Variants in ZNF341 observed in about 807,000 individuals in gnomAD.
ZNF341 encodes the protein zinc finger protein 341.
In ZNF341, 52 loss-of-function variants were observed where a neutral mutation model predicts 87.7. The ratio of observed to expected loss-of-function variants is 0.59; its 90% confidence interval spans 0.47 to 0.75. The LOEUF (loss-of-function observed/expected upper bound fraction) is 0.75, where lower values mean the gene tolerates loss of function less well. Ranked by LOEUF, ZNF341 falls within the 30% of genes least tolerant of loss-of-function variation. The probability of loss-of-function intolerance (pLI) is 0.00; values close to 1 mark genes in which losing one functional copy is unlikely to be tolerated. For synonymous variants in ZNF341, 459 were observed against 472.7 expected, an observed-to-expected ratio of 0.97 and a Z score of 0.38; for missense variants, 977 against 1,145.9, an observed-to-expected ratio of 0.85 and a Z score of 2.13.
chr20:33,740,379 A>G (rs966048829), intron 1 of ZNF341, among the ~76,000 whole-genome samples: 7 of 152,212 alleles, frequency 4.6e-5, no homozygotes, highest in Non-Finnish European at 8.8e-5. Context: ...CCTAACTGTA[A>G]GAGAGCCTGG....
At chr20:33,733,595 A>G (rs2018623766) in intron 1 of ZNF341, among the ~76,000 whole-genome samples, 2 of 146,330 alleles carry the variant, frequency 1.4e-5, no homozygotes, top group African/African-American at 5.1e-5. Context: ...TTGGTCTTGA[A>G]CTCCTGGCCT....
rs1568598023 is a variant in ZNF341 at position 33,791,175 on chromosome 20, G to A, written c.2223G>A (p.Leu741=). The A allele has an allele frequency of 6.2e-7, 1 of 1,613,046 alleles. No homozygotes were observed. Among genetic ancestry groups the A allele is most frequent in the Non-Finnish European group, 8.5e-7 (1 of 1,179,996 alleles). The change falls in exon 15 of 15, where the codon CTG becomes CTA. Residue 741 remains leucine (L), a synonymous_variant. Transcript: ENST00000375200. ...TCGGCCCCCAAAAGGACAAGGACCT[G>A]CAAACCCGGCGGCCCCCCCAGAGGA... is the stretch of plus-strand genomic sequence containing the variant. ...CRLGPQKDKD[L]QTRRPPQRRA...
At position 33,732,373 on chromosome 20, in the gene ZNF341, C is replaced by T. The variant is rs998973899; in HGVS notation, c.31+321C>T. 6.6e-6 allele frequency among the ~76,000 whole-genome samples: 1 copy of T among 151,602 alleles called. No homozygotes were observed. Among genetic ancestry groups the T allele is most frequent in the African/African-American group, 2.4e-5 (1 of 41,318 alleles). ...AACTGCGCGGGAGGCGACGGCGGGG[C>T]GGTCTGGAACAGCCGCGGCCAGGGA... On this transcript the variant is annotated intron_variant, in intron 1 of 14. Transcript: ENST00000375200. The surrounding 1 kb of genome is among the most constrained non-coding windows in gnomAD (Gnocchi z 4.5).
At chr20:33,761,464 A>G (rs967145708) in intron 7 of ZNF341, among the ~76,000 whole-genome samples, 8 of 152,120 alleles carry the variant, frequency 5.3e-5, no homozygotes, top group African/African-American at 1.9e-4. Context: ...GAGTTTCACC[A>G]TGTTGGCCAG....
chr20:33,789,576 C>T lies in ZNF341; in HGVS notation c.2023C>T (p.Leu675Phe). ...NRPDKLKAHI[L>F]SHSGMKLHKC... ...GCCGGACAAGCTGAAGGCCCACATC[C>T]TCTCCCACTCTGGTAAGTGGCTCTT... Residue 675 changes from leucine to phenylalanine, a missense_variant, in exon 14 of 15, where the codon CTC (leucine) becomes TTC (phenylalanine). By Grantham distance (22) the Leu-to-Phe change is conservative. Around this residue, in one of 3 missense-constraint regions of ZNF341, gnomAD observed 241 missense variants for 335.0 expected, o/e 0.72. Coordinates refer to ENST00000375200, the MANE Select transcript of ZNF341 (RefSeq NM_001282933.2). 11 of 1,614,134 alleles carry T rather than the reference C, an allele frequency of 6.8e-6. No individual in the cohort carries two copies. The highest frequency in any genetic ancestry group is 1.1e-5 in the South Asian group (1 of 91,082).
At chr20:33,753,032 A>C (rs550043028) in intron 4 of ZNF341, 140 bp from the exon 5 acceptor site, 3 of 1,226,702 alleles carry the variant, frequency 2.4e-6, no homozygotes, top group African/African-American at 1.5e-5. Flanking sequence ...TGTTTCCCCA[A>C]CCTCTCTTAG....
rs939419662 is a variant in ZNF341, at chr20:33,732,851, C to T, written c.31+799C>T. 2.0e-5 allele frequency among the ~76,000 whole-genome samples: 3 copies of T among 152,072 alleles called. No homozygotes were observed. Among genetic ancestry groups the T allele is most frequent in the African/African-American group, 4.8e-5 (2 of 41,390 alleles). On this transcript the variant is annotated intron_variant, in intron 1 of 14. Coordinates refer to ENST00000375200, the MANE Select transcript of ZNF341 (RefSeq NM_001282933.2). This position sits in a 1 kb window ranked among gnomAD's most constrained non-coding sequence, Gnocchi z 4.5. ...CTCCATGTGTGCATCTGCTGGGCGT[C>T]GGGGAGGAAGGGCAGCCTTAGCGAC... is the stretch of plus-strand genomic sequence containing the variant.
intron 10 of ZNF341, among the ~76,000 whole-genome samples, chr20:33,776,666 G>A (rs1198300384): frequency 3.3e-5 from 5 of 152,186 alleles, no homozygotes; most frequent in Non-Finnish European, 7.4e-5. Flanking sequence ...GATTATAGGC[G>A]TGAGCCACAC....
At position 33,766,966 on chromosome 20, in the gene ZNF341, G is replaced by A; in HGVS notation, c.1338G>A (p.Leu446=). The A allele has an allele frequency of 6.2e-7, 1 of 1,614,186 alleles. No individual in the cohort carries two copies. Among genetic ancestry groups the A allele is most frequent in the Non-Finnish European group, 8.5e-7 (1 of 1,180,030 alleles). ...KQVVLIDSSY[L]CQFCPSKFST... Reference sequence around the variant, plus strand: ...TGGTCCTCATCGACAGCTCCTACCTGTGCCAATTCTGCCCCAGCAAATTCA... The same window carrying A: ...TGGTCCTCATCGACAGCTCCTACCTATGCCAATTCTGCCCCAGCAAATTCA... Residue 446 remains leucine, a synonymous_variant, in exon 9 of 15, where the codon CTG becomes CTA. Transcript: ENST00000375200.
chr20:33,755,628 T>C (rs1329635349), intron 5 of ZNF341, among the ~76,000 whole-genome samples: 5 of 149,358 alleles, frequency 3.3e-5, no homozygotes, highest in African/African-American at 1.2e-4. Flanking sequence ...AGTCTTGCTC[T>C]GTCACCCAGG....
At chr20:33,737,294 GTTT>G (rs2018709469) in intron 1 of ZNF341, among the ~76,000 whole-genome samples, 1 of 152,002 alleles carries the variant, frequency 6.6e-6, no homozygotes, top group African/African-American at 2.4e-5. Flanking sequence ...CAGAGACTAG[GTTT>G]TTTATTTTTA....
chr20:33,737,500 T>C (rs1347042051), intron 1 of ZNF341, among the ~76,000 whole-genome samples: 1 of 152,080 alleles, frequency 6.6e-6, no homozygotes, highest in Non-Finnish European at 1.5e-5. Flanking sequence ...TTTTTATATT[T>C]TTAGTAAGGA....
At chr20:33,755,081 T>C (rs2019150034) in intron 5 of ZNF341, among the ~76,000 whole-genome samples, 1 of 152,134 alleles carries the variant, frequency 6.6e-6, no homozygotes, top group African/African-American at 2.4e-5. Flanking sequence ...TAGCTGGTAT[T>C]ACAGGTATGA....
At chr20:33,771,551 G>A (rs527345833) in intron 10 of ZNF341, among the ~76,000 whole-genome samples, 2 of 152,074 alleles carry the variant, frequency 1.3e-5, no homozygotes, top group Non-Finnish European at 2.9e-5. Context: ...CAGCCTATAT[G>A]ATGATTCTTA....
At chr20:33,752,123 T>C (rs2019071627) in intron 4 of ZNF341, 1 of 383,326 alleles carries the variant, frequency 2.6e-6, no homozygotes, top group African/African-American at 2.2e-5. Context: ...CCCCCCTTTT[T>C]TTTTAATTTT....
chr20:33,739,953 C>T (rs2018766998), intron 1 of ZNF341, among the ~76,000 whole-genome samples: 1 of 152,164 alleles, frequency 6.6e-6, no homozygotes, highest in Admixed American at 6.5e-5. Context: ...CAACCTCTGC[C>T]TCCTGGGTCC....
intron 10 of ZNF341, among the ~76,000 whole-genome samples, chr20:33,779,608 G>A (rs188438724): frequency 2.6e-5 from 4 of 152,042 alleles, no homozygotes; most frequent in East Asian, 3.9e-4. Context: ...GTGCCACCAC[G>A]CCTGGCTAAT....
intron 12 of ZNF341, among the ~76,000 whole-genome samples, chr20:33,785,462 C>T (rs535537702): frequency 6.6e-5 from 10 of 152,190 alleles, no homozygotes; most frequent in African/African-American, 1.9e-4. Context: ...CTCAGCCTCC[C>T]GAGTAGCTGG....
rs113475533 is a variant in ZNF341 at position 33,755,936 on chromosome 20, G to A, written c.742-1212G>A. Reference sequence around the variant, plus strand: ...CACCTCAGGAAGACCAATGGATGATGAATAGGCCAGGCACAGGGGCTCACG... The same window carrying A: ...CACCTCAGGAAGACCAATGGATGATAAATAGGCCAGGCACAGGGGCTCACG... On this transcript the variant is annotated intron_variant, in intron 5 of 14. Transcript: ENST00000375200. 4.2e-3 allele frequency among the ~76,000 whole-genome samples: 644 copies of A among 152,128 alleles called. 3 individuals carry two copies. Among genetic ancestry groups the A allele is most frequent in the African/African-American group, 0.014 (577 of 41,554 alleles).
Sources: gnomAD v4.1 joint callset for allele counts (sites outside exome capture counted in the v4.1 genomes callset) on GRCh38, gnomAD v4.1.1 for gene constraint, gnomAD v4.1.1 regional missense constraint, Gnocchi (gnomAD v3.1) non-coding constraint, MANE v1.5 for transcripts, NCBI Gene and HGNC (gene_info 2026-07-23, HGNC 2026-07-21) for gene names.